The following MND1 variants were observed in gnomAD, a reference collection of about 807,000 sequenced individuals.
MND1 encodes the protein meiotic nuclear divisions 1, also known as meiotic nuclear division protein 1 homolog.
MND1 carries 28 observed loss-of-function variants against 35.1 expected under a neutral mutation model. The ratio of observed to expected loss-of-function variants is 0.80; its 90% CI spans 0.59 to 1.09. MND1 has a LOEUF of 1.09. Among genes scored for constraint, MND1 ranks in the 50% least tolerant of loss-of-function variants. The probability of loss-of-function intolerance (pLI) is 0.00; values close to 1 mark genes in which losing one functional copy is unlikely to be tolerated. For missense variants in MND1, 213 were observed against 239.6 expected, an observed-to-expected ratio of 0.89 and a Z score of 0.73; for synonymous variants, 69 against 70.5, an observed-to-expected ratio of 0.98 and a Z score of 0.11.
At chr4:153,403,930 T>C (rs748427347) in intron 6 of MND1, among the ~76,000 whole-genome samples, 39 of 152,124 alleles carry the variant, frequency 2.6e-4, no homozygotes, top group Non-Finnish European at 4.7e-4. Context: ...CATGCTGAGC[T>C]AATTTTTGTA....
intron 1 of MND1, among the ~76,000 whole-genome samples, chr4:153,348,815 G>C (rs1773137701): frequency 6.6e-6 from 1 of 152,172 alleles, no homozygotes; most frequent in Non-Finnish European, 1.5e-5. Flanking sequence ...AGCCAAGTTA[G>C]TGGGTTTCTA....
chr4:153,394,488 A>G (rs901769237), intron 5 of MND1, 152 bp downstream of exon 5: 9 of 548,784 alleles, frequency 1.6e-5, no homozygotes, highest in Non-Finnish European at 2.6e-5. Flanking sequence ...GGATTCACCA[A>G]TTGTGAGTCT....
intron 4 of MND1, chr4:153,363,118 C>T (rs1773537892): frequency 1.8e-6 from 1 of 552,024 alleles, no homozygotes; most frequent in Non-Finnish European, 2.3e-6. Context: ...TGACCCTTCA[C>T]ACCTGTTTTC....
intron 4 of MND1, among the ~76,000 whole-genome samples, chr4:153,380,148 A>G (rs1000597938): frequency 1.3e-5 from 2 of 152,168 alleles, no homozygotes; most frequent in African/African-American, 4.8e-5. Flanking sequence ...ATATGCATGA[A>G]TCAGGATATT....
intron 1 of MND1, among the ~76,000 whole-genome samples, 187 bp downstream of exon 1, chr4:153,344,927 C>T (rs1276287040): frequency 2.0e-5 from 3 of 152,122 alleles, no homozygotes. Flanking sequence ...CCGCACTCTG[C>T]GGCGTTCCCC....
intron 6 of MND1, among the ~76,000 whole-genome samples, chr4:153,403,688 C>T (rs1729406352): frequency 6.6e-6 from 1 of 151,996 alleles, no homozygotes; most frequent in Non-Finnish European, 1.5e-5. Flanking sequence ...CCTCTGCTTC[C>T]CGGCCGGGTT....
chr4:153,344,885 TA>T (rs1773033437), intron 1 of MND1, 145 bp downstream of exon 1: 2 of 1,364,016 alleles, frequency 1.5e-6, no homozygotes, highest in Admixed American at 5.1e-5. Flanking sequence ...CCTCACCGTG[TA>T]GGGGCCCAGC....
chr4:153,376,055 G>C (rs1236950818), intron 4 of MND1, among the ~76,000 whole-genome samples: 2 of 152,106 alleles, frequency 1.3e-5, no homozygotes, highest in African/African-American at 4.8e-5. Flanking sequence ...TTAGTATTTG[G>C]ATGATAGTGA....
At chr4:153,360,264 G>C (rs911349013) in intron 4 of MND1, among the ~76,000 whole-genome samples, 4 of 152,142 alleles carry the variant, frequency 2.6e-5, no homozygotes, top group Non-Finnish European at 5.9e-5. Context: ...CTCTGAGTCT[G>C]TGACTTATCT....
intron 4 of MND1, among the ~76,000 whole-genome samples, chr4:153,368,182 C>T (rs988729160): frequency 4.0e-5 from 6 of 151,842 alleles, no homozygotes; most frequent in South Asian, 2.1e-4. Flanking sequence ...TTTTTTTGTT[C>T]TTGCTTTTAT....
At chr4:153,369,348 A>C (rs1773734686) in intron 4 of MND1, among the ~76,000 whole-genome samples, 1 of 152,174 alleles carries the variant, frequency 6.6e-6, no homozygotes, top group Admixed American at 6.5e-5. Flanking sequence ...CAAGTCATTA[A>C]ATTTAGTTTA....
intron 7 of MND1, 74 bp downstream of exon 7, chr4:153,409,089 C>A: frequency 1.2e-6 from 1 of 849,594 alleles, no homozygotes; most frequent in Non-Finnish European, 1.7e-6. Context: ...AATTCAGATA[C>A]CTTGTGCTAG....
At position 153,404,367 on chromosome 4, in the gene MND1, A is replaced by G. The variant is rs181966087; in HGVS notation, c.467-4604A>G. Among the ~76,000 whole-genome samples, 697 of 103,216 alleles carry G rather than the reference A, an allele frequency of 6.8e-3. 5 individuals carry two copies. The highest frequency in any genetic ancestry group is 0.024 in the African/African-American group (656 of 27,808). 67.7% of individuals were successfully genotyped at this position (103,216 alleles called of 152,430 possible). On this transcript the variant is annotated intron_variant, in intron 6 of 7. Transcript: ENST00000240488. The stretch of plus-strand genomic sequence containing the variant: ...CAGCTTTTTTTTTTTTTTTTTCTGT[A>G]TTTTTAGTAGAGATGAGGTTTCACC...
chr4:153,386,343 T>A (rs1007985452), intron 4 of MND1, among the ~76,000 whole-genome samples: 26 of 149,372 alleles, frequency 1.7e-4, no homozygotes, highest in South Asian at 2.1e-4. Context: ...AAAAAAAAAA[T>A]TTAATTAGCC....
intron 7 of MND1, among the ~76,000 whole-genome samples, chr4:153,414,321 G>T (rs1466057373): frequency 3.3e-5 from 5 of 149,844 alleles, no homozygotes; most frequent in African/African-American, 1.2e-4. Flanking sequence ...CACTCCTGTT[G>T]CCCAGGCTGG....
chr4:153,398,641 G>A (rs1033474291), intron 6 of MND1, among the ~76,000 whole-genome samples: 7 of 152,210 alleles, frequency 4.6e-5, no homozygotes, highest in African/African-American at 1.7e-4. Context: ...GGAGGCAGAA[G>A]AACTCCCTGA....
chr4:153,372,131 A>G (rs1180044409), intron 4 of MND1, among the ~76,000 whole-genome samples: 1 of 152,058 alleles, frequency 6.6e-6, no homozygotes, highest in Non-Finnish European at 1.5e-5. Context: ...TAGTAACATC[A>G]AGATCACAGA....
At chr4:153,361,446 T>C (rs1773487796) in intron 4 of MND1, 3 of 456,120 alleles carry the variant, frequency 6.6e-6, no homozygotes, top group South Asian at 1.5e-5. Flanking sequence ...TTTGATGTTA[T>C]GTTTTGATGT....
chr4:153,374,393 G>A lies in MND1; in HGVS notation c.276+15771G>A, dbSNP rs138237055. ...AGATGAGATATATACACTTGGAAGA[G>A]TAAAATGAGTGAAAAGTAATACATG... On this transcript the variant is annotated intron_variant, in intron 4 of 7. Coordinates refer to ENST00000240488, the MANE Select transcript of MND1 (RefSeq NM_032117.4). Among the ~76,000 whole-genome samples, 393 of 152,206 alleles carry A rather than the reference G, an allele frequency of 2.6e-3. 15 individuals are homozygous for A. The East Asian group carries it at 0.061, about 23-fold the overall frequency.
Sources: allele counts gnomAD v4.1 joint callset (sites outside exome capture counted in the v4.1 genomes callset), GRCh38; gene constraint gnomAD v4.1.1; transcripts MANE v1.5; gene names NCBI Gene and HGNC (gene_info 2026-07-23, HGNC 2026-07-21).